The following ATXN7L1 variants were observed in gnomAD, a reference collection of about 807,000 sequenced individuals.
ATXN7L1 encodes the protein ataxin-7-like protein 1.
In ATXN7L1, 15 loss-of-function variants were observed where a neutral mutation model predicts 70.8. That is an observed-to-expected ratio of 0.21 (90% CI 0.14 to 0.33). The LOEUF (loss-of-function observed/expected upper bound fraction) is 0.33. Among genes scored for constraint, ATXN7L1 ranks in the 10% least tolerant of loss-of-function variants. The pLI is 1.00. For synonymous variants in ATXN7L1, 440 were observed against 445.1 expected, an observed-to-expected ratio of 0.99 and a Z score of 0.14; for missense variants, 975 against 1,097.1, an observed-to-expected ratio of 0.89 and a Z score of 1.57.
intron 2 of ATXN7L1, among the ~76,000 whole-genome samples, chr7:105,863,682 C>A (rs1283328314): frequency 6.6e-6 from 1 of 152,132 alleles, no homozygotes; most frequent in African/African-American, 2.4e-5. Context: ...GCTATGTTAC[C>A]TTGGGTAAAT....
intron 2 of ATXN7L1, among the ~76,000 whole-genome samples, chr7:105,812,739 G>A (rs776349820): frequency 1.3e-5 from 2 of 152,012 alleles, no homozygotes; most frequent in African/African-American, 4.8e-5. Flanking sequence ...GGTGGCTCAC[G>A]CCTGTAATCC....
At chr7:105,684,471 T>C (rs1339256579) in intron 3 of ATXN7L1, among the ~76,000 whole-genome samples, 1 of 152,204 alleles carries the variant, frequency 6.6e-6, no homozygotes, top group African/African-American at 2.4e-5. Flanking sequence ...TGGACATTAT[T>C]CTCCTATTAA....
intron 11 of ATXN7L1, among the ~76,000 whole-genome samples, chr7:105,609,557 C>T (rs894105721): frequency 2.0e-5 from 3 of 152,096 alleles, no homozygotes; most frequent in African/African-American, 7.2e-5. Flanking sequence ...CTCAACCTCC[C>T]AGACTTCAGT....
intron 5 of ATXN7L1, among the ~76,000 whole-genome samples, chr7:105,641,208 CTCTCTCTTTTTTTTT>C (rs1480060881): frequency 1.4e-5 from 1 of 70,840 alleles, no homozygotes; most frequent in African/African-American, 5.2e-5. Context: ...CTCTCTCTCT[CTCTCTCTTTTTTTTT>C]TTTTTTTTTT....
intron 3 of ATXN7L1, among the ~76,000 whole-genome samples, chr7:105,758,807 G>A (rs3999821): frequency 0.39 from 58,978 of 152,144 alleles, 11,890 homozygotes; most frequent in Middle Eastern, 0.51. Context: ...CTTAGCAAAC[G>A]AAGTGTATCA....
chr7:105,672,005 C>A (rs369773752), intron 3 of ATXN7L1, among the ~76,000 whole-genome samples: 1 of 151,496 alleles, frequency 6.6e-6, no homozygotes, highest in Non-Finnish European at 1.5e-5. Flanking sequence ...AAGAGAGGCA[C>A]GGCCGGGCGT....
At chr7:105,697,395 C>CG (rs746518668) in intron 3 of ATXN7L1, among the ~76,000 whole-genome samples, 41 of 152,208 alleles carry the variant, frequency 2.7e-4, no homozygotes, top group Non-Finnish European at 5.1e-4. Context: ...AAGAATTCAG[C>CG]GATATTTCTC....
At chr7:105,807,755 T>A (rs1807830505) in intron 2 of ATXN7L1, among the ~76,000 whole-genome samples, 1 of 152,100 alleles carries the variant, frequency 6.6e-6, no homozygotes, top group South Asian at 2.1e-4. Context: ...TGCCCAGACC[T>A]CTCCAGACCG....
intron 3 of ATXN7L1, among the ~76,000 whole-genome samples, chr7:105,679,613 A>G (rs1446277847): frequency 6.6e-6 from 1 of 152,170 alleles, no homozygotes; most frequent in African/African-American, 2.4e-5. Context: ...CATTCTGGAT[A>G]TTTAGAAAGT....
chr7:105,831,255 A>C, intron 2 of ATXN7L1, among the ~76,000 whole-genome samples: 1 of 152,244 alleles, frequency 6.6e-6, no homozygotes, highest in East Asian at 1.9e-4. Context: ...AGCTGTATAA[A>C]TGCAAATGCC....
At chr7:105,669,395 T>C (rs1803171648) in intron 3 of ATXN7L1, among the ~76,000 whole-genome samples, 2 of 152,196 alleles carry the variant, frequency 1.3e-5, no homozygotes, top group South Asian at 4.1e-4. Context: ...TTGCCTTAAA[T>C]TGTCAATTGA....
At chr7:105,818,676 C>G (rs1809564861) in intron 2 of ATXN7L1, among the ~76,000 whole-genome samples, 1 of 152,140 alleles carries the variant, frequency 6.6e-6, no homozygotes, top group Non-Finnish European at 1.5e-5. Context: ...TTGGGCACTA[C>G]TGGGTAAGTC....
chr7:105,742,861 G>A (rs1563056991), intron 3 of ATXN7L1, among the ~76,000 whole-genome samples: 1 of 152,096 alleles, frequency 6.6e-6, no homozygotes. Context: ...CTCCAAAACA[G>A]GTCACTGGCT....
rs1349374749 is a variant in ATXN7L1 at position 105,875,825 on chromosome 7, C to A, written c.237G>T (p.Arg79Ser). Residue 79 changes from arginine to serine, a missense_variant, in exon 2 of 12, where the codon AGG (arginine) becomes AGT (serine). By Grantham distance (110) the Arg-to-Ser change is moderately radical. This residue lies in a region of ATXN7L1 where 135 missense variants were observed against 132.6 expected (regional missense o/e 1.02). Coordinates refer to ENST00000419735, the MANE Select transcript of ATXN7L1 (RefSeq NM_020725.2). ...KEGGKSREVM[R>S]LNKEDMHLFG... ...AGCTCCACTTACCTTCTTTATTAAG[C>A]CTCATAACCTCCCTGCTTTTTCCAC... 6.2e-7 allele frequency: 1 copy of A among 1,613,598 alleles called. No individual in the cohort carries two copies. Among genetic ancestry groups the A allele is most frequent in the South Asian group, 1.1e-5 (1 of 91,068 alleles).
chr7:105,723,224 C>G (rs78819413), intron 3 of ATXN7L1, among the ~76,000 whole-genome samples: 2 of 152,098 alleles, frequency 1.3e-5, no homozygotes, highest in African/African-American at 4.8e-5. Context: ...CTGCCACTTT[C>G]TAGCTGTTAG....
intron 3 of ATXN7L1, among the ~76,000 whole-genome samples, chr7:105,668,578 C>T (rs1721509): frequency 0.82 from 124,630 of 152,074 alleles, 51,206 homozygotes; most frequent in African/African-American, 0.87. Context: ...TGCACCATCA[C>T]GCCTGGATAA....
intron 7 of ATXN7L1, among the ~76,000 whole-genome samples, chr7:105,634,076 A>C (rs1797009902): frequency 6.6e-6 from 1 of 152,088 alleles, no homozygotes; most frequent in African/African-American, 2.4e-5. Flanking sequence ...CCAGGGTGAT[A>C]CCTGGTGGGA....
chr7:105,683,388 C>T (rs1805782067), intron 3 of ATXN7L1, among the ~76,000 whole-genome samples: 1 of 152,048 alleles, frequency 6.6e-6, no homozygotes, highest in African/African-American at 2.4e-5. Flanking sequence ...AAAATAAAAC[C>T]TGAATTCAGG....
chr7:105,654,401 G>A (rs1305023758), intron 4 of ATXN7L1, among the ~76,000 whole-genome samples: 1 of 152,266 alleles, frequency 6.6e-6, no homozygotes, highest in Non-Finnish European at 1.5e-5. Flanking sequence ...TTTCATAGAT[G>A]TGGAGCCTGA....
Sources: allele counts gnomAD v4.1 joint callset (sites outside exome capture counted in the v4.1 genomes callset), GRCh38; gene constraint gnomAD v4.1.1; regional missense constraint gnomAD v4.1.1; transcripts MANE v1.5; gene names NCBI Gene and HGNC (gene_info 2026-07-23, HGNC 2026-07-21).